TEPSIN: variants seen among roughly 807,000 people sequenced by gnomAD.
TEPSIN encodes the protein TEPSIN adaptor related protein complex 4 accessory protein.
TEPSIN carries 50 observed loss-of-function variants against 48.5 expected under a neutral mutation model. The observed-to-expected ratio is 1.03, with a 90% CI of 0.82 to 1.31. The LOEUF (loss-of-function observed/expected upper bound fraction) is 1.31. Ranked by LOEUF, TEPSIN falls within the 50% of genes most tolerant of loss-of-function variation. The pLI is 0.00. For missense variants in TEPSIN, 838 were observed against 815.9 expected (o/e 1.03, Z -0.33); for synonymous variants, 392 against 358.8 (o/e 1.09, Z -1.05).
rs1048775 is a variant in TEPSIN, at chr17:81,228,529, G to A, written c.*399C>T. ...GCACCAAACCCAGCCTCAGCACCTA[G>A]CCCACCCCGATGGGACGGGGGAGCA... On this transcript the variant is annotated 3_prime_UTR_variant, in exon 13 of 13. Coordinates refer to ENST00000637944, the MANE Select transcript of TEPSIN (RefSeq NM_001363764.2). 1.7e-5 allele frequency: 5 copies of A among 297,782 alleles called. No homozygotes were observed. Among genetic ancestry groups the A allele is most frequent in the Non-Finnish European group, 3.2e-5 (5 of 157,574 alleles). The allele number at this position is 297,782 out of a possible 1,614,324, so 18.4% of individuals were successfully genotyped here.
At position 81,231,739 on chromosome 17, in the gene TEPSIN, C is replaced by G. The variant is rs760320046; in HGVS notation, c.906-48G>C. The G allele has an allele frequency of 1.9e-6, 3 of 1,609,218 alleles. No homozygotes were observed. In the South Asian group the frequency reaches 3.3e-5, roughly 18 times the overall value. ...CAAGGGTGAGTGGAGGCCATGCCCC[C>G]ACTCCTGTCTCGCATGGGGGAGAAC... On this transcript the variant is annotated intron_variant, in intron 9 of 12. Coordinates refer to ENST00000637944, the MANE Select transcript of TEPSIN (RefSeq NM_001363764.2).
At position 81,233,666 on chromosome 17, in the gene TEPSIN, G is replaced by A; in HGVS notation, c.426C>T (p.Ser142=). 1.2e-6 allele frequency: 2 copies of A among 1,601,386 alleles called. No individual in the cohort carries two copies. The highest frequency in any genetic ancestry group is 2.3e-5 in the South Asian group (2 of 88,694). The change falls in exon 6 of 13, where the codon TCC becomes TCT. Residue 142 remains serine, a synonymous_variant. Transcript: ENST00000637944. This position sits in a 1 kb window ranked among gnomAD's most constrained non-coding sequence, Gnocchi z 5.8. ...FSDTVLPLAP[S]QPLGTPPATG... ...TGGCAGGCGGGGTCCCCAGAGGCTG[G>A]GAGGGAGCCAGCGGCAACACGGTGT... is the stretch of plus-strand genomic sequence containing the variant.
rs1475146156 is a variant in TEPSIN, at chr17:81,233,840, G to A, written c.376-124C>T. The A allele has an allele frequency of 4.2e-5, 57 of 1,341,410 alleles. No homozygotes were observed. In the Admixed American group the frequency reaches 1.4e-3, roughly 32 times the overall value. The allele number at this position is 1,341,410 out of a possible 1,614,324, so 83.1% of individuals were successfully genotyped here. A position where few individuals can be genotyped will look rare whatever the true frequency, so the allele number is the denominator to read the frequency against. On this transcript the variant is annotated intron_variant, in intron 5 of 12. Coordinates refer to ENST00000637944, the MANE Select transcript of TEPSIN (RefSeq NM_001363764.2). This position sits in a 1 kb window ranked among gnomAD's most constrained non-coding sequence, Gnocchi z 5.8. ...TCCTGAGCCACTCAGCTGGACACAG[G>A]CTCTGTGTCCACCAGCAAGGAGCAG...
At position 81,229,064 on chromosome 17, in the gene TEPSIN, C is replaced by T. The variant is rs148775628; in HGVS notation, c.1646G>A (p.Arg549His). ...FAGMELVACP[R>H]LVGAGAAAGE... ...CGCAGCAGCCCCAGCCCCCACCAGG[C>T]GGGGACAGGCCACCAGCTCCATGCC... The change falls in exon 13 of 13, where the codon CGC (arginine) becomes CAC (histidine). Residue 549 changes from arginine to histidine, a missense_variant. Arg to His is a conservative substitution (Grantham distance 29, BLOSUM62 0). Transcript: ENST00000637944. 16 of 1,613,388 alleles carry T rather than the reference C, an allele frequency of 9.9e-6. No homozygotes were observed. The highest frequency in any genetic ancestry group is 8.0e-5 in the African/African-American group (6 of 74,896).
chr17:81,234,387 G>C lies in TEPSIN; in HGVS notation c.308-339C>G, dbSNP rs1043143222. Among the ~76,000 whole-genome samples, 2 of 152,070 alleles carry C rather than the reference G, an allele frequency of 1.3e-5. No homozygotes were observed. The highest frequency in any genetic ancestry group is 4.8e-5 in the African/African-American group (2 of 41,392). ...CACCAGGGACCCCTCAGAGGCTTCC[G>C]GGGCCTGGAGGGAGAAACCAGCGTT... On this transcript the variant is annotated intron_variant, in intron 4 of 12. Transcript: ENST00000637944. This position sits in a 1 kb window ranked among gnomAD's most constrained non-coding sequence, Gnocchi z 5.4.
intron 7 of TEPSIN, 37 bp from the exon 8 acceptor site, chr17:81,232,555 G>A: frequency 6.6e-7 from 1 of 1,508,308 alleles, no homozygotes; most frequent in Non-Finnish European, 8.9e-7. Context: ...CGGCCGCCCA[G>A]TGCGGCCCCC....
At position 81,229,145 on chromosome 17, in the gene TEPSIN, TC is replaced by T. The variant is rs771196450; in HGVS notation, c.1564del (p.Asp522ThrfsTer70). 6.2e-7 allele frequency: 1 copy of T among 1,611,720 alleles called. No individual in the cohort carries two copies. Among genetic ancestry groups the T allele is most frequent in the South Asian group, 1.1e-5 (1 of 90,966 alleles). On this transcript the variant is annotated frameshift_variant, in exon 13 of 13. Coordinates refer to ENST00000637944, the MANE Select transcript of TEPSIN (RefSeq NM_001363764.2). LOFTEE classifies it low-confidence loss of function (END_TRUNC). ...WRPERIPGGT[D>X]SPKRGPSSCA... ...GCTGCTGGGGCCTCTCTTTGGGCTG[TC>T]CGTGCCCCCTGGGATCCGTTCAGGT...
chr17:81,233,037 G>A lies in TEPSIN; in HGVS notation c.526+395C>T. 1 of 274,782 alleles carries A rather than the reference G, an allele frequency of 3.6e-6. No homozygotes were observed. Among genetic ancestry groups the A allele is most frequent in the Non-Finnish European group, 6.9e-6 (1 of 143,924 alleles). 17.0% of individuals were successfully genotyped at this position (274,782 alleles called of 1,614,324 possible). A position where few individuals can be genotyped will look rare whatever the true frequency, so the allele number is the denominator to read the frequency against. ...GCCGCAGGCAGTGGTGCCACCTGTGGCTCTCCTGGCGCTGGTGAGCAGTTG... is the reference window on the plus strand; with the variant it reads ...GCCGCAGGCAGTGGTGCCACCTGTGACTCTCCTGGCGCTGGTGAGCAGTTG... On this transcript the variant is annotated intron_variant, in intron 7 of 12. Transcript: ENST00000637944. The surrounding 1 kb of genome is among the most constrained non-coding windows in gnomAD (Gnocchi z 5.8).
intron 4 of TEPSIN, 177 bp downstream of exon 4, chr17:81,236,530 TG>T: frequency 1.5e-6 from 1 of 685,674 alleles, no homozygotes; most frequent in Non-Finnish European, 2.4e-6. Flanking sequence ...GGGGTGAGGG[TG>T]GGCAGCAGGT....
rs2062622346 is a variant in TEPSIN at position 81,231,952 on chromosome 17, T to A, written c.800A>T (p.Asn267Ile). Residue 267 changes from asparagine (N) to isoleucine (I), a missense_variant, in exon 9 of 13, where the codon AAT becomes ATT. Transcript: ENST00000637944. ...DELDSGPSSQ[N>I]SSQNSDLSRV... ...GCTCAGGTCGCTGTTCTGGGAGGAA[T>A]TCTGAGAGCTGGGGCCGCTGTCCAG... 1 of 1,613,440 alleles carries A rather than the reference T, an allele frequency of 6.2e-7. No homozygotes were observed. The highest frequency in any genetic ancestry group is 8.5e-7 in the Non-Finnish European group (1 of 1,179,954).
chr17:81,238,910 C>T (rs1567912948), intron 1 of TEPSIN, 76 bp downstream of exon 1: 28 of 1,387,004 alleles, frequency 2.0e-5, no homozygotes, highest in Non-Finnish European at 2.6e-5. Flanking sequence ...ATGGCTCCGG[C>T]CCGGGGCGAG....
chr17:81,232,317 C>G lies in TEPSIN; in HGVS notation c.728G>C (p.Arg243Pro). The part of the protein sequence containing the change: ...NLLPGAIPGP[R>P]AVRHQPGQAG... ...GGGAGGAGCCCTCGCCTCGATACCT[C>G]GGGGACCTGGAATGGCCCCGGGGAG... The change falls in exon 8 of 13, where the codon CGA becomes CCA. Residue 243 changes from arginine to proline, a missense_variant and splice_region_variant. Coordinates refer to ENST00000637944, the MANE Select transcript of TEPSIN (RefSeq NM_001363764.2). The G allele has an allele frequency of 6.5e-7, 1 of 1,526,940 alleles. No homozygotes were observed. The highest frequency in any genetic ancestry group is 8.8e-7 in the Non-Finnish European group (1 of 1,140,282). 94.6% of individuals were successfully genotyped at this position (1,526,940 alleles called of 1,614,324 possible). A position where few individuals can be genotyped will look rare whatever the true frequency, so the allele number is the denominator to read the frequency against.
rs1056232375 is a variant in TEPSIN at position 81,233,783 on chromosome 17, A to G, written c.376-67T>C. On this transcript the variant is annotated intron_variant, in intron 5 of 12. Coordinates refer to ENST00000637944, the MANE Select transcript of TEPSIN (RefSeq NM_001363764.2). The surrounding 1 kb of genome is among the most constrained non-coding windows in gnomAD (Gnocchi z 5.8). The stretch of plus-strand genomic sequence containing the variant: ...GCCTGCTGTACTCACCCTGCCACCC[A>G]TATCAGCTCCGTTCTGTCCCCCGGA... 13 of 1,484,392 alleles carry G rather than the reference A, an allele frequency of 8.8e-6. No individual in the cohort carries two copies. Among genetic ancestry groups the G allele is most frequent in the African/African-American group, 4.2e-5 (3 of 72,206 alleles). 92.0% of individuals were successfully genotyped at this position (1,484,392 alleles called of 1,614,324 possible). A position where few individuals can be genotyped will look rare whatever the true frequency, so the allele number is the denominator to read the frequency against.
chr17:81,232,591 C>T lies in TEPSIN; in HGVS notation c.527-73G>A, dbSNP rs1232471533. The T allele has an allele frequency of 5.9e-6, 8 of 1,354,282 alleles. No individual in the cohort carries two copies. In the Middle Eastern group the frequency reaches 7.8e-4, roughly 132 times the overall value. 83.9% of individuals were successfully genotyped at this position (1,354,282 alleles called of 1,614,324 possible). A position where few individuals can be genotyped will look rare whatever the true frequency, so the allele number is the denominator to read the frequency against. ...ACCCGCGTTCTCTGGGAGCAGGGTG[C>T]CCGCATCGGCTCCCTGCTCAAGCTT... On this transcript the variant is annotated intron_variant, in intron 7 of 12. Coordinates refer to ENST00000637944, the MANE Select transcript of TEPSIN (RefSeq NM_001363764.2).
In TEPSIN at chr17:81,233,737, CCT is replaced by C. The variant is rs1172771326; in HGVS notation, c.376-23_376-22del. 6.4e-7 allele frequency: 1 copy of C among 1,574,348 alleles called. No individual in the cohort carries two copies. Among genetic ancestry groups the C allele is most frequent in the East Asian group, 2.3e-5 (1 of 43,808 alleles). ...AAGTCCTACAGGGGGAGGCGAAGGC[CCT>C]CAGTGTCCTCACACCAGGGCCTGCT... On this transcript the variant is annotated intron_variant, in intron 5 of 12. Coordinates refer to ENST00000637944, the MANE Select transcript of TEPSIN (RefSeq NM_001363764.2). The surrounding 1 kb of genome is among the most constrained non-coding windows in gnomAD (Gnocchi z 5.8).
chr17:81,231,339 A>G (rs1328181933), intron 11 of TEPSIN, 59 bp downstream of exon 11: 6 of 1,393,776 alleles, frequency 4.3e-6, no homozygotes, highest in Middle Eastern at 2.7e-4. Context: ...GCACACGCAC[A>G]CACACGCACA....
intron 8 of TEPSIN, 25 bp downstream of exon 8, chr17:81,232,290 A>G: frequency 6.7e-7 from 1 of 1,500,650 alleles, no homozygotes; most frequent in Admixed American, 2.1e-5. Context: ...CCAGACCCCA[A>G]GGGGAGGAGC....
At position 81,229,353 on chromosome 17, in the gene TEPSIN, GGA is replaced by G. The variant is rs768475638; in HGVS notation, c.1355_1356del (p.Leu452ProfsTer63). 2.6e-6 allele frequency: 4 copies of G among 1,563,256 alleles called. No homozygotes were observed. In the South Asian group the frequency reaches 4.7e-5, roughly 18 times the overall value. Reference protein sequence around the residue: ...PSDLLTDAVPLPGSQVFLQPL... With the variant: ...PSDLLTDAVPXPGSQVFLQPL... ...GGCTGCAGGAAGACCTGGCTCCCAG[GGA>G]GAGGCACAGCGTCGGTCAGCAGGTC... On this transcript the variant is annotated frameshift_variant, in exon 13 of 13. Coordinates refer to ENST00000637944, the MANE Select transcript of TEPSIN (RefSeq NM_001363764.2). LOFTEE classifies it low-confidence loss of function (END_TRUNC).
intron 7 of TEPSIN, chr17:81,232,968 A>G (rs1487627616): frequency 8.6e-6 from 2 of 233,194 alleles, no homozygotes; most frequent in Non-Finnish European, 1.7e-5. Flanking sequence ...CACACCGCCC[A>G]GGGCCCGGCA....
Sources: allele counts gnomAD v4.1 joint callset (sites outside exome capture counted in the v4.1 genomes callset), GRCh38; gene constraint gnomAD v4.1.1; non-coding constraint Gnocchi (gnomAD v3.1); transcripts MANE v1.5; gene names NCBI Gene and HGNC (gene_info 2026-07-23, HGNC 2026-07-21).